Variants in PTPRG observed in about 807,000 individuals in gnomAD.
PTPRG encodes receptor-type tyrosine-protein phosphatase gamma.
PTPRG carries 102 observed loss-of-function variants against 165.3 expected under a neutral mutation model. The observed-to-expected ratio is 0.62, with a 90% confidence interval of 0.53 to 0.73. PTPRG has a LOEUF of 0.73. Among genes scored for constraint, PTPRG ranks in the 30% least tolerant of loss-of-function variants. The pLI, the probability that PTPRG is intolerant of heterozygous loss-of-function variation, is 0.00. For missense variants in PTPRG, 1,866 were observed against 1,861.4 expected (o/e 1.00, Z -0.05); for synonymous variants, 675 against 669.5 (o/e 1.01, Z -0.13).
chr3:61,649,008 G>A (rs1702277004), intron 1 of PTPRG, among the ~76,000 whole-genome samples: 1 of 152,200 alleles, frequency 6.6e-6, no homozygotes, highest in Non-Finnish European at 1.5e-5. Flanking sequence ...ACAGTCATAT[G>A]TGAGTTTATT....
intron 2 of PTPRG, among the ~76,000 whole-genome samples, chr3:61,798,945 G>A (rs547688928): frequency 7.9e-5 from 12 of 152,108 alleles, no homozygotes; most frequent in African/African-American, 2.4e-4. Flanking sequence ...CAGAGTTCTC[G>A]TCATTACTAG....
chr3:61,581,826 TCTCGAACTC>T (rs545843311), intron 1 of PTPRG, among the ~76,000 whole-genome samples: 1 of 152,124 alleles, frequency 6.6e-6, no homozygotes, highest in African/African-American at 2.4e-5. Context: ...GCCAGGCTGG[TCTCGAACTC>T]CTGACCTTAA....
At chr3:61,671,138 CTTTTTTT>C (rs11356444) in intron 1 of PTPRG, among the ~76,000 whole-genome samples, 4 of 125,012 alleles carry the variant, frequency 3.2e-5, no homozygotes, top group African/African-American at 1.2e-4. Context: ...TATGAACTTT[CTTTTTTT>C]TTTTTTTTTT....
chr3:61,903,163 C>T (rs1312474021), intron 2 of PTPRG, among the ~76,000 whole-genome samples: 2 of 152,156 alleles, frequency 1.3e-5, no homozygotes, highest in African/African-American at 4.8e-5. Flanking sequence ...GCTGTTCTCT[C>T]CATCTGGTAT....
intron 2 of PTPRG, among the ~76,000 whole-genome samples, chr3:61,880,722 G>A (rs2037865220): frequency 6.6e-6 from 1 of 152,056 alleles, no homozygotes; most frequent in Middle Eastern, 3.4e-3. Flanking sequence ...GAACGTGATT[G>A]CATGAAATGT....
chr3:62,083,813 A>C (rs1412618779), intron 5 of PTPRG, among the ~76,000 whole-genome samples: 1 of 152,210 alleles, frequency 6.6e-6, no homozygotes, highest in Non-Finnish European at 1.5e-5. Flanking sequence ...CACTAGGACC[A>C]AAGTGTCTTT....
chr3:62,193,458 A>AT (rs200456757), intron 9 of PTPRG, among the ~76,000 whole-genome samples: 1,647 of 152,282 alleles, frequency 0.011, 24 homozygotes, highest in African/African-American at 0.038. Flanking sequence ...CACAAAATTA[A>AT]TTTTTCTAAT....
In PTPRG at chr3:61,859,438, C is replaced by T. The variant is rs78512874; in HGVS notation, c.190+110456C>T. ...CCCTTTATCTAAAATCATGGAATAT[C>T]ACCACAAGGGAAAATCAGAGCTGAC... On this transcript the variant is annotated intron_variant, in intron 2 of 29. Coordinates refer to ENST00000474889, the MANE Select transcript of PTPRG (RefSeq NM_002841.4). Among the ~76,000 whole-genome samples, 9 of 152,230 alleles carry T rather than the reference C, an allele frequency of 5.9e-5. 1 individual carries two copies. In the East Asian group the frequency reaches 1.7e-3, roughly 29 times the overall value.
rs1553662684 is a variant in PTPRG at position 62,265,896 on chromosome 3, T to TATACACACACACACACACACACACACAC, written c.2657-1513_2657-1512insTACACACACACACACACACACACACACA. Among the ~76,000 whole-genome samples, 760 of 130,542 alleles carry TATACACACACACACACACACACACACAC rather than the reference T, an allele frequency of 5.8e-3. 7 individuals are homozygous for TATACACACACACACACACACACACACAC. The highest frequency in any genetic ancestry group is 0.013 in the East Asian group (59 of 4,492). 85.6% of individuals were successfully genotyped at this position (130,542 alleles called of 152,430 possible). A position where few individuals can be genotyped will look rare whatever the true frequency, so the allele number is the denominator to read the frequency against. ...CACACGTATACATCTGTGCCTTATA[T>TATACACACACACACACACACACACACAC]ACACACACACACACACACACACACA... On this transcript the variant is annotated intron_variant, in intron 17 of 29. Transcript: ENST00000474889.
At chr3:61,985,205 G>C (rs1559729009) in intron 2 of PTPRG, among the ~76,000 whole-genome samples, 1 of 152,232 alleles carries the variant, frequency 6.6e-6, no homozygotes, top group Non-Finnish European at 1.5e-5. Flanking sequence ...GCCTGAGTAA[G>C]ATGACCACAG....
chr3:61,884,635 G>A (rs1004845182), intron 2 of PTPRG, among the ~76,000 whole-genome samples: 44 of 152,314 alleles, frequency 2.9e-4, no homozygotes, highest in African/African-American at 9.6e-4. Context: ...TTCCGGGCTG[G>A]CAATGGTTTG....
intron 2 of PTPRG, among the ~76,000 whole-genome samples, chr3:61,971,749 T>C (rs1206342250): frequency 1.3e-5 from 2 of 152,280 alleles, no homozygotes; most frequent in African/African-American, 4.8e-5. Flanking sequence ...CGTACAACTC[T>C]GTAAATTTAC....
At chr3:61,683,244 T>C (rs1005848346) in intron 1 of PTPRG, among the ~76,000 whole-genome samples, 17 of 152,336 alleles carry the variant, frequency 1.1e-4, no homozygotes, top group African/African-American at 2.9e-4. Flanking sequence ...GGGCTGATAA[T>C]TGACGGCAGT....
chr3:61,974,158 CT>C (rs2040447914), intron 2 of PTPRG, among the ~76,000 whole-genome samples: 1 of 152,060 alleles, frequency 6.6e-6, no homozygotes. Context: ...ATTTTTTAAT[CT>C]TTTGATACCT....
chr3:61,635,320 C>G (rs1375062127), intron 1 of PTPRG, among the ~76,000 whole-genome samples: 5 of 148,838 alleles, frequency 3.4e-5, no homozygotes, highest in Non-Finnish European at 7.4e-5. Context: ...ACCAATTACC[C>G]TATAAAGTAT....
chr3:62,070,936 T>TA (rs60751536), intron 4 of PTPRG, among the ~76,000 whole-genome samples: 3,722 of 146,426 alleles, frequency 0.025, 132 homozygotes, highest in African/African-American at 0.081. Context: ...AAAGTATAAT[T>TA]AAAAAAAAAA....
At chr3:61,777,855 T>C (rs1232164652) in intron 2 of PTPRG, among the ~76,000 whole-genome samples, 2 of 152,226 alleles carry the variant, frequency 1.3e-5, no homozygotes, top group Admixed American at 1.3e-4. Flanking sequence ...AAGTCTCCCA[T>C]AATAAAAGAC....
chr3:61,989,255 G>A (rs911239575), intron 2 of PTPRG, among the ~76,000 whole-genome samples: 1 of 152,098 alleles, frequency 6.6e-6, no homozygotes, highest in African/African-American at 2.4e-5. Context: ...GCCCACAATA[G>A]CAAAACATGC....
At chr3:61,712,582 G>A (rs965151491) in intron 1 of PTPRG, among the ~76,000 whole-genome samples, 3 of 152,086 alleles carry the variant, frequency 2.0e-5, no homozygotes, top group Non-Finnish European at 4.4e-5. Context: ...AGCTTCCCCT[G>A]TGCTCTCTCT....
Sources: gnomAD v4.1 joint callset for allele counts (sites outside exome capture counted in the v4.1 genomes callset) on GRCh38, gnomAD v4.1.1 for gene constraint, MANE v1.5 for transcripts, NCBI Gene and HGNC (gene_info 2026-07-23, HGNC 2026-07-21) for gene names.